Variants in GKAP1 observed in about 807,000 individuals in gnomAD.
GKAP1 encodes G kinase anchoring protein 1.
In GKAP1, 31 loss-of-function variants were observed where a neutral mutation model predicts 56.7. The observed-to-expected ratio is 0.55, with a 90% CI of 0.41 to 0.74. The LOEUF (loss-of-function observed/expected upper bound fraction) is 0.74. Among genes scored for constraint, GKAP1 ranks in the 30% least tolerant of loss-of-function variants. The probability of loss-of-function intolerance (pLI) is 0.00; values close to 1 mark genes in which losing one functional copy is unlikely to be tolerated. For missense variants in GKAP1, 364 were observed against 402.3 expected, an observed-to-expected ratio of 0.90 and a Z score of 0.82; for synonymous variants, 151 against 138.6, an observed-to-expected ratio of 1.09 and a Z score of -0.63.
At chr9:83,762,407 A>G (rs1242890541) in intron 8 of GKAP1, among the ~76,000 whole-genome samples, 1 of 152,220 alleles carries the variant, frequency 6.6e-6, no homozygotes, top group Non-Finnish European at 1.5e-5. Flanking sequence ...TGAAGAAGAG[A>G]TGACAAAATG....
At chr9:83,765,691 G>A (rs1943651033) in intron 8 of GKAP1, among the ~76,000 whole-genome samples, 1 of 152,158 alleles carries the variant, frequency 6.6e-6, no homozygotes, top group South Asian at 2.1e-4. Flanking sequence ...GAACTTTAAG[G>A]TTTAATGACT....
intron 3 of GKAP1, among the ~76,000 whole-genome samples, chr9:83,801,535 AAGAT>A (rs1435816499): frequency 2.0e-5 from 3 of 152,164 alleles, no homozygotes; most frequent in Non-Finnish European, 4.4e-5. Flanking sequence ...AAAAGGGAGT[AAGAT>A]AGAAACACCA....
intron 3 of GKAP1, among the ~76,000 whole-genome samples, chr9:83,803,064 A>G (rs1469549039): frequency 6.6e-6 from 1 of 152,130 alleles, no homozygotes; most frequent in Non-Finnish European, 1.5e-5. Context: ...AGCCGAGATC[A>G]TACTACTGCA....
At position 83,747,344 on chromosome 9, in the gene GKAP1, C is replaced by A. The variant is rs981562102; in HGVS notation, c.904+965G>T. Among the ~76,000 whole-genome samples, 4 of 152,102 alleles carry A rather than the reference C, an allele frequency of 2.6e-5. No homozygotes were observed. The South Asian group carries it at 8.3e-4, about 32-fold the overall frequency. Reference sequence around the variant, plus strand: ...GATTTCCTTGGCTTCCTGCTGGTAACCTCTTGTCAAAAGTTTACAGAGTAG... The same window carrying A: ...GATTTCCTTGGCTTCCTGCTGGTAAACTCTTGTCAAAAGTTTACAGAGTAG... On this transcript the variant is annotated intron_variant, in intron 10 of 12. Coordinates refer to ENST00000376371, the MANE Select transcript of GKAP1 (RefSeq NM_025211.4).
In GKAP1 at chr9:83,781,554, T is replaced by C. The variant is rs371883026; in HGVS notation, c.563-1150A>G. ...AATTTCTTGATCAGAATAGTGTCCA[T>C]AAACACAGTAAATGCCAAAATCACC... On this transcript the variant is annotated intron_variant, in intron 6 of 12. Coordinates refer to ENST00000376371, the MANE Select transcript of GKAP1 (RefSeq NM_025211.4). Among the ~76,000 whole-genome samples the C allele has an allele frequency of 3.9e-5, 6 of 152,184 alleles. No homozygotes were observed. In the East Asian group the frequency reaches 5.8e-4, roughly 15 times the overall value.
intron 4 of GKAP1, among the ~76,000 whole-genome samples, chr9:83,791,750 C>T (rs920332079): frequency 5.9e-5 from 9 of 151,900 alleles, no homozygotes; most frequent in Non-Finnish European, 1.2e-4. Flanking sequence ...GTAAGATTAA[C>T]GTGTATGAAC....
chr9:83,795,152 A>G (rs540556546), intron 4 of GKAP1, among the ~76,000 whole-genome samples: 74 of 123,010 alleles, frequency 6.0e-4, no homozygotes, highest in African/African-American at 2.2e-3. Context: ...GCGAGACTCC[A>G]TCTCAAAAAA....
At position 83,799,300 on chromosome 9, in the gene GKAP1, G is replaced by T. The variant is rs1342256878; in HGVS notation, c.245C>A (p.Pro82His). ...ELRNLAFKKI[P>H]QKSSHAVCNA... is the part of the protein sequence containing the mutation. ...ACAAACAGCATGGGAGGATTTCTGGGGAATTTTCTTAAAAGCAAGATTCCT... is the reference window on the plus strand; with the variant it reads ...ACAAACAGCATGGGAGGATTTCTGGTGAATTTTCTTAAAAGCAAGATTCCT... The change falls in exon 4 of 13, where the codon CCC becomes CAC. Residue 82 changes from proline (P) to histidine (H), a missense_variant. Pro to His is a moderately conservative substitution (Grantham distance 77). Coordinates refer to ENST00000376371, the MANE Select transcript of GKAP1 (RefSeq NM_025211.4). 2.5e-6 allele frequency: 4 copies of T among 1,592,980 alleles called. No individual in the cohort carries two copies. Among genetic ancestry groups the T allele is most frequent in the Non-Finnish European group, 3.4e-6 (4 of 1,173,396 alleles).
At chr9:83,789,709 G>A (rs959174525) in intron 4 of GKAP1, among the ~76,000 whole-genome samples, 1 of 152,064 alleles carries the variant, frequency 6.6e-6, no homozygotes, top group Non-Finnish European at 1.5e-5. Context: ...AAAGGTGGGG[G>A]CAAGTGATCC....
At chr9:83,761,630 A>G (rs538496409) in intron 8 of GKAP1, among the ~76,000 whole-genome samples, 3 of 152,280 alleles carry the variant, frequency 2.0e-5, no homozygotes, top group Admixed American at 1.3e-4. Flanking sequence ...CTAGGGGCCA[A>G]TATCTCTGAT....
intron 7 of GKAP1, among the ~76,000 whole-genome samples, chr9:83,774,948 C>T (rs1305971749): frequency 1.3e-5 from 2 of 151,346 alleles, no homozygotes; most frequent in Non-Finnish European, 2.9e-5. Context: ...ACCTTGTGAT[C>T]CGCCCACCTC....
At chr9:83,754,932 A>C (rs1392201309) in intron 8 of GKAP1, among the ~76,000 whole-genome samples, 8 of 152,210 alleles carry the variant, frequency 5.3e-5, no homozygotes, top group Non-Finnish European at 1.2e-4. Context: ...CCCTGGGTCA[A>C]ATAAGATTAT....
chr9:83,775,390 G>A (rs777770896), intron 7 of GKAP1, among the ~76,000 whole-genome samples: 26 of 151,964 alleles, frequency 1.7e-4, no homozygotes, highest in Non-Finnish European at 3.4e-4. Flanking sequence ...ACTGGAGAAT[G>A]GTTTTAGAAA....
At chr9:83,767,004 G>A (rs1038508655) in intron 8 of GKAP1, among the ~76,000 whole-genome samples, 11 of 152,182 alleles carry the variant, frequency 7.2e-5, no homozygotes, top group Non-Finnish European at 1.2e-4. Flanking sequence ...TTCAAGCTAG[G>A]AGAATTGATG....
chr9:83,756,044 A>G (rs1025155668), intron 8 of GKAP1, among the ~76,000 whole-genome samples: 4 of 152,054 alleles, frequency 2.6e-5, no homozygotes, highest in African/African-American at 9.7e-5. Flanking sequence ...ATCTCAGGCG[A>G]TCCACCTGCC....
At chr9:83,788,830 G>A (rs1944108757) in intron 4 of GKAP1, 152 bp from the exon 5 acceptor site, 2 of 464,966 alleles carry the variant, frequency 4.3e-6, no homozygotes, top group Middle Eastern at 5.1e-4. Context: ...GCCAAACTAG[G>A]AAGCCTATAT....
chr9:83,807,095 A>C (rs554652812), intron 2 of GKAP1, among the ~76,000 whole-genome samples: 91 of 152,320 alleles, frequency 6.0e-4, no homozygotes, highest in African/African-American at 2.1e-3. Flanking sequence ...TCTCTCAACC[A>C]AAGGAAACTT....
rs1037510085 is a variant in GKAP1 at position 83,788,747 on chromosome 9, A to G, written c.361-69T>C. On this transcript the variant is annotated intron_variant, in intron 4 of 12. Coordinates refer to ENST00000376371, the MANE Select transcript of GKAP1 (RefSeq NM_025211.4). ...TCACATGAGCAAAATAACCATACAT[A>G]TTACTATATACAGAGGAAAAGAAAG... 3.3e-6 allele frequency: 3 copies of G among 905,072 alleles called. No homozygotes were observed. The Admixed American group carries it at 5.6e-5, about 17-fold the overall frequency. The allele number at this position is 905,072 out of a possible 1,614,324, so 56.1% of individuals were successfully genotyped here.
intron 10 of GKAP1, among the ~76,000 whole-genome samples, chr9:83,747,360 T>C (rs1484425387): frequency 6.6e-6 from 1 of 152,118 alleles, no homozygotes; most frequent in African/African-American, 2.4e-5. Context: ...GTCAAAAGTT[T>C]ACAGAGTAGC....
Sources: gnomAD v4.1 joint callset for allele counts (sites outside exome capture counted in the v4.1 genomes callset) on GRCh38, gnomAD v4.1.1 for gene constraint, MANE v1.5 for transcripts, NCBI Gene and HGNC (gene_info 2026-07-23, HGNC 2026-07-21) for gene names.